Variants in RETSAT observed in about 807,000 individuals in gnomAD.
RETSAT encodes the protein retinol saturase, also known as all-trans-retinol 13,14-reductase.
RETSAT carries 35 observed loss-of-function variants against 61.6 expected under a neutral mutation model. That is an observed-to-expected ratio of 0.57 (90% CI 0.43 to 0.75). RETSAT has a LOEUF of 0.75. Ranked by LOEUF, RETSAT falls within the 30% of genes least tolerant of loss-of-function variation. The probability of loss-of-function intolerance (pLI) is 0.00; values close to 1 mark genes in which losing one functional copy is unlikely to be tolerated. For synonymous variants in RETSAT, 277 were observed against 310.4 expected (o/e 0.89, Z 1.13); for missense variants, 670 against 759.5 (o/e 0.88, Z 1.38).
At chr2:85,350,338 A>G in intron 3 of RETSAT, 97 bp from the exon 4 acceptor site, 1 of 876,360 alleles carries the variant, frequency 1.1e-6, no homozygotes, top group Non-Finnish European at 1.9e-6. Flanking sequence ...ATCCAGCAAC[A>G]CTTACCCCTG....
chr2:85,352,841 G>A (rs1485736702), intron 1 of RETSAT, among the ~76,000 whole-genome samples: 1 of 152,162 alleles, frequency 6.6e-6, no homozygotes, highest in African/African-American at 2.4e-5. Flanking sequence ...CCTCCCATAG[G>A]GAAGGTCTGG....
intron 6 of RETSAT, 30 bp downstream of exon 6, chr2:85,345,945 C>T: frequency 1.2e-6 from 2 of 1,613,998 alleles, no homozygotes; most frequent in South Asian, 2.2e-5. Flanking sequence ...GGGGAACCTG[C>T]AAGAGGGGCA....
intron 1 of RETSAT, among the ~76,000 whole-genome samples, chr2:85,352,767 GA>G (rs1232944454): frequency 6.6e-6 from 1 of 152,198 alleles, no homozygotes; most frequent in Non-Finnish European, 1.5e-5. Flanking sequence ...AGGTCCTGAT[GA>G]AAAGGCTTGG....
Position 85,349,430 on chromosome 2 carries a change from C to G in RETSAT, c.951G>C (p.Lys317Asn), listed in dbSNP as rs764137514. 9.9e-6 allele frequency: 16 copies of G among 1,614,172 alleles called. No individual in the cohort carries two copies. The South Asian group carries it at 1.6e-4, about 17-fold the overall frequency. ...CCAGCAACACACTCTGCACAGTGGC[C>G]TTTGTGAGGACAGCGCCCCCAGCCC... The part of the protein sequence containing the change: ...IQRAGGAVLT[K>N]ATVQSVLLDS... The change falls in exon 5 of 11, where the codon AAG becomes AAC. Residue 317 changes from lysine to asparagine, a missense_variant. Transcript: ENST00000295802.
Position 85,344,578 on chromosome 2 carries a change from C to G in RETSAT, c.1256+16G>C, listed in dbSNP as rs1396501784. On this transcript the variant is annotated intron_variant, in intron 7 of 10. Coordinates refer to ENST00000295802, the MANE Select transcript of RETSAT (RefSeq NM_017750.4). ...GAGGCACGGGCCACACACATACACA[C>G]ACACGTGCACCTTACGCCTGGTCCA... 6.2e-7 allele frequency: 1 copy of G among 1,613,578 alleles called. No homozygotes were observed.
At chr2:85,346,763 T>C (rs748823995) in intron 5 of RETSAT, among the ~76,000 whole-genome samples, 1 of 151,940 alleles carries the variant, frequency 6.6e-6, no homozygotes, top group Non-Finnish European at 1.5e-5. Context: ...CTAAAAAAAA[T>C]GAATGAATGA....
At chr2:85,352,329 C>T (rs1204280498) in intron 1 of RETSAT, among the ~76,000 whole-genome samples, 11 of 151,894 alleles carry the variant, frequency 7.2e-5, no homozygotes, top group African/African-American at 1.2e-4. Flanking sequence ...CTGCAAGCTC[C>T]GCCTCCTGGG....
intron 2 of RETSAT, 147 bp downstream of exon 2, chr2:85,351,533 T>G (rs1683299749): frequency 1.4e-5 from 11 of 782,194 alleles, no homozygotes; most frequent in Middle Eastern, 2.6e-4. Context: ...AGTGAGACTC[T>G]GTCTGAAACA....
intron 6 of RETSAT, chr2:85,345,663 C>A: frequency 2.3e-6 from 1 of 434,898 alleles, no homozygotes; most frequent in Non-Finnish European, 4.3e-6. Flanking sequence ...GAGGCCTCTT[C>A]TCTGGAAGCC....
intron 3 of RETSAT, among the ~76,000 whole-genome samples, chr2:85,350,504 T>C (rs1051742741): frequency 1.3e-5 from 2 of 151,596 alleles, no homozygotes; most frequent in Non-Finnish European, 2.9e-5. Context: ...TAAAAAGGAG[T>C]AGTGATCTGA....
intron 4 of RETSAT, 180 bp downstream of exon 4, chr2:85,349,860 C>A: frequency 1.5e-6 from 1 of 651,258 alleles, no homozygotes; most frequent in South Asian, 1.9e-5. Flanking sequence ...CATGGATGAA[C>A]AGAATTTTGA....
chr2:85,348,208 T>G (rs1208546023), intron 5 of RETSAT, among the ~76,000 whole-genome samples: 2 of 152,194 alleles, frequency 1.3e-5, no homozygotes, highest in Non-Finnish European at 2.9e-5. Context: ...GGAACCTTGC[T>G]GGCCTCCATA....
At position 85,351,708 on chromosome 2, in the gene RETSAT, A is replaced by C; in HGVS notation, c.327T>G (p.Phe109Leu). Reference sequence around the variant, plus strand: ...TGTCAAATTCAAGGCCATTCTTTCCAAAGGTATGACAGCAGCCCCCTGCCT... The same window carrying C: ...TGTCAAATTCAAGGCCATTCTTTCCCAAGGTATGACAGCAGCCCCCTGCCT... ...HTKAGGCCHT[F>L]GKNGLEFDTG... Residue 109 changes from phenylalanine (F) to leucine (L), a missense_variant, in exon 2 of 11, where the codon TTT becomes TTG. By Grantham distance (22) the Phe-to-Leu change is conservative (BLOSUM62 0). Transcript: ENST00000295802. 2.5e-6 allele frequency: 4 copies of C among 1,614,092 alleles called. No homozygotes were observed. Among genetic ancestry groups the C allele is most frequent in the Non-Finnish European group, 3.4e-6 (4 of 1,179,980 alleles).
In RETSAT at chr2:85,351,851, T is replaced by C. The variant is rs199784845; in HGVS notation, c.184A>G (p.Asn62Asp). 3 of 1,613,718 alleles carry C rather than the reference T, an allele frequency of 1.9e-6. No homozygotes were observed. The change falls in exon 2 of 11, where the codon AAC becomes GAC. Residue 62 changes from asparagine (N) to aspartate (D), a missense_variant. Transcript: ENST00000295802. ...KKVLKQAFSA[N>D]QVPEKLDVVV... is the part of the protein sequence containing the mutation. ...ACATCCAGCTTCTCCGGCACTTGGT[T>C]GGCTGAAAAAGCTACAGCAGAAGGG...
chr2:85,345,752 G>A lies in RETSAT; in HGVS notation c.1117+223C>T, dbSNP rs540477032. 1.8e-4 allele frequency: 119 copies of A among 678,356 alleles called. No homozygotes were observed. The East Asian group carries it at 3.3e-3, about 19-fold the overall frequency. The allele number at this position is 678,356 out of a possible 1,614,324, so 42.0% of individuals were successfully genotyped here. A position where few individuals can be genotyped will look rare whatever the true frequency, so the allele number is the denominator to read the frequency against. On this transcript the variant is annotated intron_variant, in intron 6 of 10. Transcript: ENST00000295802. ...CTGCTCAGCCCTGCCCCTTTCAGCT[G>A]AGTGGCCTCAGGACTGTAATTAATC...
chr2:85,351,283 T>C (rs1441608397), intron 2 of RETSAT: 11 of 503,432 alleles, frequency 2.2e-5, no homozygotes, highest in Non-Finnish European at 3.9e-5. Flanking sequence ...CCCAACACTT[T>C]GGGAGGCAGA....
At chr2:85,346,218 C>T in intron 5 of RETSAT, 124 bp from the exon 6 acceptor site, 1 of 1,317,432 alleles carries the variant, frequency 7.6e-7, no homozygotes, top group South Asian at 1.4e-5. Flanking sequence ...GCTACCTAGA[C>T]TCAGGCAGGG....
chr2:85,351,914 G>T (rs1379104401), intron 1 of RETSAT, 52 bp from the exon 2 acceptor site: 7 of 1,558,840 alleles, frequency 4.5e-6, no homozygotes, highest in South Asian at 3.5e-5. Context: ...CAGGGAAATA[G>T]CAAAGATAGG....
Position 85,354,376 on chromosome 2 carries a change from CA to C in RETSAT, c.131del (p.Leu44ArgfsTer2). Reference protein sequence around the residue: ...SEDVKRPPAPLVTDKEARKKV... With the variant: ...SEDVKRPPAPXVTDKEARKKV... Reference sequence around the variant, plus strand: ...TCTTCCTGGCCTCCTTGTCAGTTACCAGGGGCGCTGGGGGCCGTTTGACATC... The same window carrying C: ...TCTTCCTGGCCTCCTTGTCAGTTACCGGGGCGCTGGGGGCCGTTTGACATC... On this transcript the variant is annotated frameshift_variant, in exon 1 of 11. Transcript: ENST00000295802. LOFTEE classifies it high-confidence loss of function. 3 of 1,614,232 alleles carry C rather than the reference CA, an allele frequency of 1.9e-6. No homozygotes were observed. Among genetic ancestry groups the C allele is most frequent in the Non-Finnish European group, 2.5e-6 (3 of 1,180,040 alleles).
Sources: allele counts gnomAD v4.1 joint callset (sites outside exome capture counted in the v4.1 genomes callset), GRCh38; gene constraint gnomAD v4.1.1; transcripts MANE v1.5; gene names NCBI Gene and HGNC (gene_info 2026-07-23, HGNC 2026-07-21).